DAO: variants seen among roughly 807,000 people sequenced by gnomAD.
DAO encodes the protein D-amino acid oxidase.
Under a neutral mutation model 50.1 loss-of-function variants are expected in DAO, and 51 were observed. That is an observed-to-expected ratio of 1.02 (90% confidence interval 0.81 to 1.29). The LOEUF (loss-of-function observed/expected upper bound fraction) is 1.29. DAO is among the 50% of genes most tolerant of loss of function. The probability of loss-of-function intolerance (pLI) is 0.00; values close to 1 mark genes in which losing one functional copy is unlikely to be tolerated. For missense variants in DAO, 436 were observed against 439.4 expected, an observed-to-expected ratio of 0.99 and a Z score of 0.07; for synonymous variants, 160 against 166.2, an observed-to-expected ratio of 0.96 and a Z score of 0.29.
At position 108,889,765 on chromosome 12, in the gene DAO, G is replaced by A. The variant is rs76412212; in HGVS notation, c.386+220G>A. Among the ~76,000 whole-genome samples the A allele has an allele frequency of 9.8e-3, 1,488 of 152,196 alleles. 6 individuals carry two copies. The highest frequency in any genetic ancestry group is 0.02 in the Admixed American group (303 of 15,270). On this transcript the variant is annotated intron_variant, in intron 4 of 10. Coordinates refer to ENST00000228476, the MANE Select transcript of DAO (RefSeq NM_001917.5). ...TATGAAATCACAGATCTCAAGCCCAGAAGCTCCATATCACCATATTGTTTT... is the reference window on the plus strand; with the variant it reads ...TATGAAATCACAGATCTCAAGCCCAAAAGCTCCATATCACCATATTGTTTT...
chr12:108,896,419 CA>C (rs386377704), intron 7 of DAO, among the ~76,000 whole-genome samples: 3,048 of 59,486 alleles, frequency 0.051, 38 homozygotes, highest in African/African-American at 0.14. Context: ...GAGGCTGTCT[CA>C]AAAAAAAAAA....
rs1416474823 is a variant in DAO at position 108,899,455 on chromosome 12, A to G, written c.892A>G (p.Thr298Ala). The change falls in exon 10 of 11, where the codon ACT (threonine) becomes GCT (alanine). Residue 298 changes from threonine (T) to alanine (A), a missense_variant. By Grantham distance (58) the Thr-to-Ala change is moderately conservative (BLOSUM62 0). Coordinates refer to ENST00000228476, the MANE Select transcript of DAO (RefSeq NM_001917.5). Reference sequence around the variant, plus strand: ...TCGGCTAGAAAGAGAACAGCTTCGCACTGGACCTTCAAACACAGAGGTATG... The same window carrying G: ...TCGGCTAGAAAGAGAACAGCTTCGCGCTGGACCTTCAAACACAGAGGTATG... ...QIRLEREQLR[T>A]GPSNTEVIHN... 1.2e-6 allele frequency: 2 copies of G among 1,613,676 alleles called. No homozygotes were observed. Among genetic ancestry groups the G allele is most frequent in the Non-Finnish European group, 8.5e-7 (1 of 1,179,834 alleles).
In DAO at chr12:108,885,058, TGCATCCATGA is replaced by T; in HGVS notation, c.55_64del (p.Ile19AlafsTer11). On this transcript the variant is annotated frameshift_variant, in exon 2 of 11. Transcript: ENST00000228476. LOFTEE classifies it high-confidence loss of function. ...AGTCATCGGGCTGTCCACCGCCCTC[TGCATCCATGA>T]GCGCTACCACTCAGTCCTGCAGCCA... The T allele has an allele frequency of 3.1e-6, 5 of 1,614,172 alleles. No individual in the cohort carries two copies. The highest frequency in any genetic ancestry group is 4.2e-6 in the Non-Finnish European group (5 of 1,180,032).
At chr12:108,882,566 A>G (rs1162618553) in intron 1 of DAO, among the ~76,000 whole-genome samples, 3 of 152,040 alleles carry the variant, frequency 2.0e-5, no homozygotes, top group Non-Finnish European at 4.4e-5. Flanking sequence ...GGATTAACCA[A>G]CTCATCCTGG....
In DAO at chr12:108,894,271, A is replaced by T. The variant is rs2039522737; in HGVS notation, c.516A>T (p.Arg172Ser). Reference sequence around the variant, plus strand: ...CTGTTGGTTGCTACCAGGTGGCAAGAGAAGGCGCAGACGTGATTGTCAACT... The same window carrying T: ...CTGTTGGTTGCTACCAGGTGGCAAGTGAAGGCGCAGACGTGATTGTCAACT... Reference protein sequence around the residue: ...RKVESFEEVAREGADVIVNCT... With the variant: ...RKVESFEEVASEGADVIVNCT... The change falls in exon 7 of 11, where the codon AGA becomes AGT. Residue 172 changes from arginine to serine, a missense_variant. Physicochemically the swap from Arg to Ser is moderately radical, Grantham distance 110 (BLOSUM62 -1). Coordinates refer to ENST00000228476, the MANE Select transcript of DAO (RefSeq NM_001917.5). 5 of 1,613,766 alleles carry T rather than the reference A, an allele frequency of 3.1e-6. No homozygotes were observed. Among genetic ancestry groups the T allele is most frequent in the Non-Finnish European group, 4.2e-6 (5 of 1,179,922 alleles).
chr12:108,890,500 G>A (rs909105883), intron 5 of DAO, among the ~76,000 whole-genome samples: 1 of 152,206 alleles, frequency 6.6e-6, no homozygotes, highest in Non-Finnish European at 1.5e-5. Context: ...TACACATGAT[G>A]TCCATTAACA....
intron 5 of DAO, among the ~76,000 whole-genome samples, chr12:108,891,551 A>G (rs1426134575): frequency 6.6e-6 from 1 of 151,952 alleles, no homozygotes; most frequent in Non-Finnish European, 1.5e-5. Context: ...ACCCCACTCT[A>G]TACCTGCTGA....
intron 7 of DAO, 25 bp from the exon 8 acceptor site, chr12:108,896,981 A>AGGT: frequency 6.3e-7 from 1 of 1,590,882 alleles, no homozygotes; most frequent in Admixed American, 1.7e-5. Flanking sequence ...TCCGCTGATG[A>AGGT]GACTTTCCTG....
chr12:108,889,586 G>A (rs62617124), intron 4 of DAO, 41 bp downstream of exon 4: 156 of 1,502,208 alleles, frequency 1.0e-4, no homozygotes, highest in South Asian at 6.8e-5. Flanking sequence ...GGGGCCTGAC[G>A]AGTTAGCAGA....
rs188186074 is a variant in DAO at position 108,892,601 on chromosome 12, C to T, written c.453-381C>T. Among the ~76,000 whole-genome samples the T allele has an allele frequency of 2.0e-3, 297 of 152,276 alleles. 1 individual carries two copies. The highest frequency in any genetic ancestry group is 0.014 in the Middle Eastern group (4 of 294). On this transcript the variant is annotated intron_variant, in intron 5 of 10. Transcript: ENST00000228476. Reference sequence around the variant, plus strand: ...GAATTTGGCACTGGTACAACTCTCCCCTTCTCTACTCTGAATCTCATCGCC... The same window carrying T: ...GAATTTGGCACTGGTACAACTCTCCTCTTCTCTACTCTGAATCTCATCGCC...
In DAO at chr12:108,900,561, C is replaced by T. The variant is rs1039685563; in HGVS notation, c.*26C>T. 6.2e-7 allele frequency: 1 copy of T among 1,613,006 alleles called. No individual in the cohort carries two copies. The highest frequency in any genetic ancestry group is 8.5e-7 in the Non-Finnish European group (1 of 1,179,458). ...AGACTCCAGTGACTGCTGCCTCCCC[C>T]CACAAGAACTCCCTTCTCCCCTCAG... is the stretch of plus-strand genomic sequence containing the variant. On this transcript the variant is annotated 3_prime_UTR_variant, in exon 11 of 11. Coordinates refer to ENST00000228476, the MANE Select transcript of DAO (RefSeq NM_001917.5).
chr12:108,895,301 ATGTGTGTGTGCATGTG>A (rs2039536759), intron 7 of DAO, among the ~76,000 whole-genome samples: 2 of 148,832 alleles, frequency 1.3e-5, no homozygotes, highest in South Asian at 2.2e-4. Flanking sequence ...ATGTGTGCAT[ATGTGTGTGTGCATGTG>A]TGAGGGTGTG....
intron 4 of DAO, among the ~76,000 whole-genome samples, 189 bp downstream of exon 4, chr12:108,889,734 AG>A (rs1277574783): frequency 3.9e-5 from 6 of 152,140 alleles, no homozygotes; most frequent in Admixed American, 1.3e-4. Flanking sequence ...CTGGGAAGGT[AG>A]GGGGTATGAA....
chr12:108,895,541 T>C (rs1181151486), intron 7 of DAO, among the ~76,000 whole-genome samples: 3 of 144,416 alleles, frequency 2.1e-5, no homozygotes, highest in African/African-American at 7.8e-5. Context: ...TGTGAGGGTA[T>C]GTGTGTGTGC....
rs1593167803 is a variant in DAO at position 108,898,449 on chromosome 12, G to C, written c.696-230G>C. 5.6e-6 allele frequency: 3 copies of C among 539,882 alleles called. No homozygotes were observed. In the South Asian group the frequency reaches 5.7e-5, roughly 10 times the overall value. 33.4% of individuals were successfully genotyped at this position (539,882 alleles called of 1,614,324 possible). A position where few individuals can be genotyped will look rare whatever the true frequency, so the allele number is the denominator to read the frequency against. On this transcript the variant is annotated intron_variant, in intron 8 of 10. Transcript: ENST00000228476. ...GGTGAAATGATGAATGCAGTTGGTG[G>C]TGATGACCTATTAATGATAGTAGCA...
At chr12:108,889,445 G>T (rs749004412) in intron 3 of DAO, 24 bp from the exon 4 acceptor site, 1 of 1,567,294 alleles carries the variant, frequency 6.4e-7, no homozygotes, top group Non-Finnish European at 8.8e-7. Flanking sequence ...CCCACCCAGT[G>T]CCCCCTTTGT....
Position 108,897,048 on chromosome 12 carries a change from C to G in DAO, c.655C>G (p.Pro219Ala), listed in dbSNP as rs1471712393. 6.2e-7 allele frequency: 1 copy of G among 1,613,858 alleles called. No homozygotes were observed. Among genetic ancestry groups the G allele is most frequent in the African/African-American group, 1.3e-5 (1 of 74,874 alleles). ...WMKHFILTHD[P>A]ERGIYNSPYI... ...GAAGCACTTCATTCTCACCCATGAC[C>G]CAGAGAGAGGCATCTACAATTCCCC... Residue 219 changes from proline (P) to alanine (A), a missense_variant, in exon 8 of 11, where the codon CCA becomes GCA. Coordinates refer to ENST00000228476, the MANE Select transcript of DAO (RefSeq NM_001917.5).
At chr12:108,890,161 C>T (rs1018003161) in intron 4 of DAO, 47 bp from the exon 5 acceptor site, 2 of 1,496,622 alleles carry the variant, frequency 1.3e-6, no homozygotes, top group East Asian at 2.3e-5. Flanking sequence ...TCAAATATAG[C>T]TCTGATTTTT....
At position 108,887,505 on chromosome 12, in the gene DAO, G is replaced by A. The variant is rs781658657; in HGVS notation, c.250G>A (p.Ala84Thr). The change falls in exon 3 of 11, where the codon GCT (alanine) becomes ACT (threonine). Residue 84 changes from alanine to threonine, a missense_variant. Physicochemically the swap from Ala to Thr is moderately conservative, Grantham distance 58. Transcript: ENST00000228476. ...YLLSHVHSPNAENLGLFLISG... is the reference protein window; with the variant it reads ...YLLSHVHSPNTENLGLFLISG... Reference sequence around the variant, plus strand: ...CCTGAGCCATGTCCATTCTCCCAACGCTGAAAACCTGGGCCTGTTCCTAAT... The same window carrying A: ...CCTGAGCCATGTCCATTCTCCCAACACTGAAAACCTGGGCCTGTTCCTAAT... 14 of 1,613,920 alleles carry A rather than the reference G, an allele frequency of 8.7e-6. No individual in the cohort carries two copies. The highest frequency in any genetic ancestry group is 4.4e-5 in the South Asian group (4 of 91,078).
Sources: allele counts gnomAD v4.1 joint callset (sites outside exome capture counted in the v4.1 genomes callset), GRCh38; gene constraint gnomAD v4.1.1; transcripts MANE v1.5; gene names NCBI Gene and HGNC (gene_info 2026-07-23, HGNC 2026-07-21).